Variants in KCNQ4 observed in about 807,000 individuals in gnomAD.
KCNQ4 encodes potassium voltage-gated channel subfamily Q member 4, also known as potassium voltage-gated channel subfamily KQT member 4.
A neutral mutation model predicts 72.6 loss-of-function variants in KCNQ4; 31 were observed. The ratio of observed to expected loss-of-function variants is 0.43; its 90% CI spans 0.32 to 0.58. The LOEUF (loss-of-function observed/expected upper bound fraction) is 0.58. Ranked by LOEUF, KCNQ4 falls within the 20% of genes least tolerant of loss-of-function variation. The pLI, the probability that KCNQ4 is intolerant of heterozygous loss-of-function variation, is 0.08. For synonymous variants in KCNQ4, 405 were observed against 403.7 expected, an observed-to-expected ratio of 1.00 and a Z score of -0.04; for missense variants, 869 against 962.6, an observed-to-expected ratio of 0.90 and a Z score of 1.29.
rs370355082 is a variant in KCNQ4 at position 40,818,332 on chromosome 1, G to A, written c.532+42G>A. On this transcript the variant is annotated intron_variant, in intron 3 of 13. Coordinates refer to ENST00000347132, the MANE Select transcript of KCNQ4 (RefSeq NM_004700.4). ...CGCCCGACCTGACCCCTGACCCCAG[G>A]AGCCAGGGTGACGCCTTTACTCCCA... The A allele has an allele frequency of 2.6e-4, 415 of 1,611,828 alleles. 1 individual carries two copies. The highest frequency in any genetic ancestry group is 3.1e-4 in the Non-Finnish European group (368 of 1,179,922).
chr1:40,815,569 A>G (rs1648061781), intron 1 of KCNQ4, among the ~76,000 whole-genome samples: 1 of 151,968 alleles, frequency 6.6e-6, no homozygotes, highest in Admixed American at 6.6e-5. Context: ...GTTCTCCCGT[A>G]CCCCGTGTTT....
At position 40,820,162 on chromosome 1, in the gene KCNQ4, T is replaced by TA. The variant is rs1558016040; in HGVS notation, c.946-2dup. The TA allele has an allele frequency of 6.2e-7, 1 of 1,604,832 alleles. No individual in the cohort carries two copies. Among genetic ancestry groups the TA allele is most frequent in the Non-Finnish European group, 8.5e-7 (1 of 1,175,566 alleles). ...TTCCCCCAACCATGCCCTATCCCTCTAGGGCATCCTAGGCTCCGGCTTTGC... is the reference window on the plus strand; with the variant it reads ...TTCCCCCAACCATGCCCTATCCCTCTAAGGGCATCCTAGGCTCCGGCTTTGC... On this transcript the variant is annotated splice_region_variant and splice_polypyrimidine_tract_variant and intron_variant, in intron 6 of 13. Coordinates refer to ENST00000347132, the MANE Select transcript of KCNQ4 (RefSeq NM_004700.4).
intron 9 of KCNQ4, among the ~76,000 whole-genome samples, chr1:40,824,607 C>G (rs1230588992): frequency 6.6e-6 from 1 of 152,216 alleles, no homozygotes; most frequent in African/African-American, 2.4e-5. Flanking sequence ...TCCCGGGAAG[C>G]TGGACAGAGG....
intron 5 of KCNQ4, 33 bp downstream of exon 5, chr1:40,819,505 C>A: frequency 6.2e-7 from 1 of 1,612,136 alleles, no homozygotes; most frequent in South Asian, 1.1e-5. Flanking sequence ...CTGCCCTTCT[C>A]CCTGGGATCC....
intron 9 of KCNQ4, among the ~76,000 whole-genome samples, chr1:40,824,645 G>A (rs934587430): frequency 1.3e-5 from 2 of 152,186 alleles, no homozygotes; most frequent in African/African-American, 2.4e-5. Context: ...AGGTGCTTAC[G>A]GCTCAGGTAA....
intron 1 of KCNQ4, among the ~76,000 whole-genome samples, chr1:40,803,061 C>T (rs1390054358): frequency 1.3e-5 from 2 of 152,182 alleles, no homozygotes; most frequent in Non-Finnish European, 2.9e-5. Flanking sequence ...TAGTAAGTTA[C>T]TGGAAGTTCT....
chr1:40,830,134 G>T (rs915727717), intron 9 of KCNQ4, among the ~76,000 whole-genome samples: 1 of 152,162 alleles, frequency 6.6e-6, no homozygotes, highest in African/African-American at 2.4e-5. Flanking sequence ...GTATCGGGGG[G>T]TAGATCTTTA....
At chr1:40,825,846 C>T (rs11583281) in intron 9 of KCNQ4, among the ~76,000 whole-genome samples, 2 of 152,126 alleles carry the variant, frequency 1.3e-5, no homozygotes, top group African/African-American at 4.8e-5. Context: ...AGCCTGGGGC[C>T]TAGTACCTGT....
chr1:40,833,409 A>T (rs984174687), intron 11 of KCNQ4, among the ~76,000 whole-genome samples: 18 of 145,334 alleles, frequency 1.2e-4, no homozygotes, highest in East Asian at 5.9e-4. Flanking sequence ...AAACTGTATA[A>T]AAAAAAAAAA....
In KCNQ4 at chr1:40,817,525, G is replaced by C. The variant is rs1375352420; in HGVS notation, c.405+170G>C. ...TGGGCTGGGAGTCCGGGACTGAGGG[G>C]GGCCGTGTGAGGTGGCACCTCTGGG... On this transcript the variant is annotated intron_variant, in intron 2 of 13. Coordinates refer to ENST00000347132, the MANE Select transcript of KCNQ4 (RefSeq NM_004700.4). The surrounding 1 kb of genome is among the most constrained non-coding windows in gnomAD (Gnocchi z 5.5). 6.6e-6 allele frequency among the ~76,000 whole-genome samples: 1 copy of C among 152,018 alleles called. No individual in the cohort carries two copies. Among genetic ancestry groups the C allele is most frequent in the Non-Finnish European group, 1.5e-5 (1 of 68,012 alleles).
intron 1 of KCNQ4, among the ~76,000 whole-genome samples, chr1:40,789,327 C>G (rs191008229): frequency 1.3e-5 from 2 of 152,258 alleles, no homozygotes; most frequent in African/African-American, 4.8e-5. Flanking sequence ...GCCAGGAACC[C>G]AAGCCTTTTG....
At position 40,817,124 on chromosome 1, in the gene KCNQ4, C is replaced by A; in HGVS notation, c.315-141C>A. 1.4e-6 allele frequency: 1 copy of A among 726,278 alleles called. No individual in the cohort carries two copies. The allele number at this position is 726,278 out of a possible 1,614,324, so 45.0% of individuals were successfully genotyped here. ...GGTGCCCAGCACAGAGCTGTAACTCCAGGGAATTCCAATTCTGATTTCCAC... is the reference window on the plus strand; with the variant it reads ...GGTGCCCAGCACAGAGCTGTAACTCAAGGGAATTCCAATTCTGATTTCCAC... On this transcript the variant is annotated intron_variant, in intron 1 of 13. Coordinates refer to ENST00000347132, the MANE Select transcript of KCNQ4 (RefSeq NM_004700.4). The surrounding 1 kb of genome is among the most constrained non-coding windows in gnomAD (Gnocchi z 5.5).
At chr1:40,821,620 A>G (rs1648294018) in intron 7 of KCNQ4, among the ~76,000 whole-genome samples, 1 of 152,210 alleles carries the variant, frequency 6.6e-6, no homozygotes, top group East Asian at 1.9e-4. Flanking sequence ...TCCCATGGGC[A>G]GTGACAGGCA....
intron 9 of KCNQ4, among the ~76,000 whole-genome samples, chr1:40,825,592 G>A (rs1558022909): frequency 6.6e-6 from 1 of 152,096 alleles, no homozygotes; most frequent in African/African-American, 2.4e-5. Context: ...GGGGCTGGAG[G>A]GAGGGGAAGC....
chr1:40,792,692 G>A (rs991300882), intron 1 of KCNQ4, among the ~76,000 whole-genome samples: 1 of 152,182 alleles, frequency 6.6e-6, no homozygotes, highest in African/African-American at 2.4e-5. Context: ...GACGGGGAAA[G>A]GACAGTGTGA....
chr1:40,822,226 C>A, intron 7 of KCNQ4, 88 bp from the exon 8 acceptor site: 2 of 1,141,162 alleles, frequency 1.8e-6, no homozygotes, highest in Non-Finnish European at 2.6e-6. Flanking sequence ...ACAACTGGAC[C>A]AAGGACTGGG....
chr1:40,784,175 G>A lies in KCNQ4; in HGVS notation c.82G>A (p.Ala28Thr). The A allele has an allele frequency of 1.8e-6, 2 of 1,117,216 alleles. No homozygotes were observed. Among genetic ancestry groups the A allele is most frequent in the Non-Finnish European group, 2.2e-6 (2 of 910,582 alleles). The allele number at this position is 1,117,216 out of a possible 1,614,324, so 69.2% of individuals were successfully genotyped here. A position where few individuals can be genotyped will look rare whatever the true frequency, so the allele number is the denominator to read the frequency against. The part of the protein sequence containing the change: ...APRAELVALT[A>T]VQSEQGEAGG... The stretch of plus-strand genomic sequence containing the variant: ...CCGCGCGGAGCTAGTGGCGCTCACG[G>A]CCGTGCAGAGCGAACAGGGCGAGGC... The change falls in exon 1 of 14, where the codon GCC becomes ACC. Residue 28 changes from alanine (A) to threonine (T), a missense_variant. Physicochemically the swap from Ala to Thr is moderately conservative, Grantham distance 58. This residue lies in a region of KCNQ4 where 178 missense variants were observed against 145.3 expected (regional missense o/e 1.22). Coordinates refer to ENST00000347132, the MANE Select transcript of KCNQ4 (RefSeq NM_004700.4). The surrounding 1 kb of genome is among the most constrained non-coding windows in gnomAD (Gnocchi z 4.1).
chr1:40,787,691 C>T (rs1372292262), intron 1 of KCNQ4, among the ~76,000 whole-genome samples: 1 of 137,776 alleles, frequency 7.3e-6, no homozygotes, highest in Non-Finnish European at 1.6e-5. Context: ...GATCACCAAG[C>T]TGCATCCCCC....
At chr1:40,818,898 A>T in intron 4 of KCNQ4, 1 of 575,068 alleles carries the variant, frequency 1.7e-6, no homozygotes. Flanking sequence ...GGACCGGATC[A>T]GGGGGCGGGG....
Sources: gnomAD v4.1 joint callset for allele counts (sites outside exome capture counted in the v4.1 genomes callset) on GRCh38, gnomAD v4.1.1 for gene constraint, gnomAD v4.1.1 regional missense constraint, Gnocchi (gnomAD v3.1) non-coding constraint, MANE v1.5 for transcripts, NCBI Gene and HGNC (gene_info 2026-07-23, HGNC 2026-07-21) for gene names.